Variants in PCDH9 observed in about 807,000 individuals in gnomAD.
PCDH9 encodes the protein protocadherin-9.
In PCDH9, 24 loss-of-function variants were observed where a neutral mutation model predicts 70.6. The observed-to-expected ratio is 0.34, with a 90% CI of 0.25 to 0.48. PCDH9 has a LOEUF of 0.48. Among genes scored for constraint, PCDH9 ranks in the 20% least tolerant of loss-of-function variants. The probability of loss-of-function intolerance (pLI) is 0.99; values close to 1 mark genes in which losing one functional copy is unlikely to be tolerated. For synonymous variants in PCDH9, 562 were observed against 558.5 expected, an observed-to-expected ratio of 1.01 and a Z score of -0.09; for missense variants, 1,281 against 1,503.6, an observed-to-expected ratio of 0.85 and a Z score of 2.45.
rs909787313 is a variant in PCDH9, at chr13:67,157,032, A to C, written c.3036+68373T>G. ...ATCATCTGTTAAATACTTGTATTAT[A>C]ATATTTTATCTCTTTATTTCTTTTG... On this transcript the variant is annotated intron_variant, in intron 2 of 4. Transcript: ENST00000377865. Among the ~76,000 whole-genome samples, 4 of 152,248 alleles carry C rather than the reference A, an allele frequency of 2.6e-5. No individual in the cohort carries two copies. In the East Asian group the frequency reaches 7.7e-4, roughly 29 times the overall value.
chr13:66,736,942 G>A (rs1219264107), intron 3 of PCDH9, among the ~76,000 whole-genome samples: 1 of 152,116 alleles, frequency 6.6e-6, no homozygotes, highest in Non-Finnish European at 1.5e-5. Context: ...CAACTTCGCA[G>A]GATCATTTGT....
At chr13:66,837,239 G>C (rs1019109558) in intron 3 of PCDH9, among the ~76,000 whole-genome samples, 1 of 152,064 alleles carries the variant, frequency 6.6e-6, no homozygotes, top group Non-Finnish European at 1.5e-5. Flanking sequence ...TCTCTTTTGA[G>C]TTTCTCTTTA....
intron 2 of PCDH9, among the ~76,000 whole-genome samples, chr13:67,049,448 AT>A (rs1166051942): frequency 6.6e-6 from 1 of 152,202 alleles, no homozygotes; most frequent in African/African-American, 2.4e-5. Context: ...AGCTCATCAG[AT>A]TCTTCTTCCC....
chr13:66,434,711 G>A (rs1957836800), intron 4 of PCDH9, among the ~76,000 whole-genome samples: 1 of 151,888 alleles, frequency 6.6e-6, no homozygotes, highest in Admixed American at 6.6e-5. Context: ...TTATGTTCAA[G>A]CACTCTAGCT....
intron 2 of PCDH9, among the ~76,000 whole-genome samples, chr13:66,995,934 A>T (rs2084104941): frequency 6.6e-6 from 1 of 152,210 alleles, no homozygotes; most frequent in Non-Finnish European, 1.5e-5. Context: ...TTTTCTCTGT[A>T]TACTATGAAT....
intron 4 of PCDH9, among the ~76,000 whole-genome samples, chr13:66,354,089 T>G (rs970524119): frequency 1.2e-4 from 19 of 152,200 alleles, no homozygotes; most frequent in Admixed American, 2.0e-4. Flanking sequence ...CTCTTATCAC[T>G]TTATTCGTAA....
chr13:66,987,288 T>G (rs1340803338), intron 2 of PCDH9, among the ~76,000 whole-genome samples: 1 of 152,020 alleles, frequency 6.6e-6, no homozygotes, highest in Non-Finnish European at 1.5e-5. Context: ...ACACTGCTAT[T>G]TTTCTTCAGC....
At chr13:67,036,221 T>C (rs539867881) in intron 2 of PCDH9, among the ~76,000 whole-genome samples, 68 of 152,298 alleles carry the variant, frequency 4.5e-4, no homozygotes, top group Middle Eastern at 3.4e-3. Flanking sequence ...GAGGAAAGCA[T>C]GGGCATTTGA....
At chr13:66,811,236 A>G (rs2080499928) in intron 3 of PCDH9, among the ~76,000 whole-genome samples, 1 of 152,182 alleles carries the variant, frequency 6.6e-6, no homozygotes, top group Non-Finnish European at 1.5e-5. Context: ...TTGACCAAAG[A>G]GAAAAACAAG....
At chr13:66,689,628 A>T (rs1468997336) in intron 3 of PCDH9, among the ~76,000 whole-genome samples, 3 of 152,124 alleles carry the variant, frequency 2.0e-5, no homozygotes, top group Non-Finnish European at 4.4e-5. Context: ...ATGAATTTCC[A>T]TTGACAGAGC....
At chr13:67,164,192 C>T (rs1446618464) in intron 2 of PCDH9, among the ~76,000 whole-genome samples, 1 of 152,068 alleles carries the variant, frequency 6.6e-6, no homozygotes, top group East Asian at 1.9e-4. Flanking sequence ...TTTCTTCCTT[C>T]TTAAAATAAC....
At chr13:66,630,922 A>C (rs1332454561) in intron 4 of PCDH9, 4 of 262,514 alleles carry the variant, frequency 1.5e-5, no homozygotes, top group Non-Finnish European at 2.9e-5. Context: ...ATTTCATAAG[A>C]TCTCTGACAT....
chr13:66,613,489 T>C (rs1340036825), intron 4 of PCDH9, among the ~76,000 whole-genome samples: 1 of 152,166 alleles, frequency 6.6e-6, no homozygotes, highest in East Asian at 1.9e-4. Flanking sequence ...AGAAAGGATT[T>C]GTGGGGCTAG....
chr13:66,618,047 C>A (rs1354337539), intron 4 of PCDH9, among the ~76,000 whole-genome samples: 1 of 152,140 alleles, frequency 6.6e-6, no homozygotes, highest in African/African-American at 2.4e-5. Flanking sequence ...AGGAGCCTGG[C>A]CCCTCCTCTT....
intron 3 of PCDH9, among the ~76,000 whole-genome samples, chr13:66,869,292 T>TTCA (rs1416790626): frequency 3.3e-5 from 5 of 152,034 alleles, no homozygotes; most frequent in African/African-American, 7.2e-5. Context: ...TAAAAGAAAC[T>TTCA]TCATCATCAT....
At chr13:66,584,846 G>C (rs1015879368) in intron 4 of PCDH9, among the ~76,000 whole-genome samples, 14 of 152,198 alleles carry the variant, frequency 9.2e-5, no homozygotes, top group African/African-American at 3.1e-4. Context: ...CCTATCTTAA[G>C]AATATGAGGT....
intron 4 of PCDH9, among the ~76,000 whole-genome samples, chr13:66,486,182 C>T (rs1958937141): frequency 6.6e-6 from 1 of 152,068 alleles, no homozygotes; most frequent in South Asian, 2.1e-4. Flanking sequence ...TGGCTCATGC[C>T]TGTAATCCCA....
At chr13:66,677,923 G>C (rs2078267055) in intron 3 of PCDH9, among the ~76,000 whole-genome samples, 1 of 152,128 alleles carries the variant, frequency 6.6e-6, no homozygotes, top group African/African-American at 2.4e-5. Context: ...TTCTGCTTCA[G>C]TGATAGTTGG....
chr13:66,735,910 G>A (rs369323821), intron 3 of PCDH9, among the ~76,000 whole-genome samples: 1 of 151,926 alleles, frequency 6.6e-6, no homozygotes, highest in African/African-American at 2.4e-5. Context: ...GTTGCAGTGA[G>A]CTGAGATTGT....
Sources: allele counts gnomAD v4.1 joint callset (sites outside exome capture counted in the v4.1 genomes callset), GRCh38; gene constraint gnomAD v4.1.1; transcripts MANE v1.5; gene names NCBI Gene and HGNC (gene_info 2026-07-23, HGNC 2026-07-21).